Variants in PBX1 observed in about 807,000 individuals in gnomAD.
The protein encoded by PBX1 is PBX homeobox 1.
PBX1 carries 6 observed loss-of-function variants against 53.4 expected under a neutral mutation model. The ratio of observed to expected loss-of-function variants is 0.11; its 90% CI spans 0.06 to 0.22. PBX1 has a LOEUF of 0.22. Among genes scored for constraint, PBX1 ranks in the 10% least tolerant of loss-of-function variants. PBX1 has a pLI of 1.00. For missense variants in PBX1, 251 were observed against 551.4 expected, an observed-to-expected ratio of 0.46 and a Z score of 5.46; for synonymous variants, 204 against 212.3, an observed-to-expected ratio of 0.96 and a Z score of 0.34.
chr1:164,783,714 C>T (rs1668037174), intron 2 of PBX1, among the ~76,000 whole-genome samples: 1 of 152,012 alleles, frequency 6.6e-6, no homozygotes, highest in Non-Finnish European at 1.5e-5. Context: ...CACCCAAGGC[C>T]TGTTTTAGTG....
chr1:164,702,277 ATTCATG>A (rs1248061425), intron 2 of PBX1, among the ~76,000 whole-genome samples: 1 of 152,090 alleles, frequency 6.6e-6, no homozygotes, highest in Non-Finnish European at 1.5e-5. Context: ...GCACCTGAAC[ATTCATG>A]TAGGGTTTAG....
intron 2 of PBX1, chr1:164,564,030 AAAC>A (rs766101416): frequency 6.6e-6 from 1 of 152,196 alleles, no homozygotes; most frequent in Non-Finnish European, 1.5e-5. Flanking sequence ...AGGTGTTCTT[AAAC>A]AACAGATGCT....
intron 2 of PBX1, among the ~76,000 whole-genome samples, chr1:164,783,715 T>C (rs1166640905): frequency 6.6e-6 from 1 of 152,136 alleles, no homozygotes; most frequent in East Asian, 1.9e-4. Context: ...ACCCAAGGCC[T>C]GTTTTAGTGT....
chr1:164,811,169 G>C (rs1669591069), intron 5 of PBX1, among the ~76,000 whole-genome samples: 1 of 152,054 alleles, frequency 6.6e-6, no homozygotes. Flanking sequence ...CCTTCCCCGG[G>C]CAGGAATTAT....
At chr1:164,815,619 G>A (rs1669843165) in intron 6 of PBX1, 1 of 152,238 alleles carries the variant, frequency 6.6e-6, no homozygotes, top group South Asian at 2.1e-4. Flanking sequence ...ATGGCAGAAG[G>A]TGAAGGGGAA....
intron 5 of PBX1, 87 bp downstream of exon 5, chr1:164,807,764 C>A: frequency 7.0e-7 from 1 of 1,436,944 alleles, no homozygotes; most frequent in Non-Finnish European, 9.5e-7. Context: ...CTTTACTGGA[C>A]ATTCATGCCT....
intron 8 of PBX1, among the ~76,000 whole-genome samples, chr1:164,832,323 A>G (rs1047548564): frequency 5.9e-5 from 9 of 152,202 alleles, no homozygotes; most frequent in African/African-American, 1.9e-4. Flanking sequence ...TGGCATATGG[A>G]AGGCTTACGA....
chr1:164,577,626 G>T (rs80318769), intron 2 of PBX1, among the ~76,000 whole-genome samples: 4,714 of 152,296 alleles, frequency 0.031, 330 homozygotes, highest in East Asian at 0.28. Flanking sequence ...TCTAGTGCTT[G>T]CTTATTATTG....
intron 2 of PBX1, among the ~76,000 whole-genome samples, chr1:164,630,046 A>T (rs1658310451): frequency 6.6e-6 from 1 of 152,188 alleles, no homozygotes; most frequent in African/African-American, 2.4e-5. Flanking sequence ...AAGGTGAATA[A>T]AGTAACCCCA....
At chr1:164,586,301 C>T (rs925713464) in intron 2 of PBX1, among the ~76,000 whole-genome samples, 1 of 152,192 alleles carries the variant, frequency 6.6e-6, no homozygotes, top group African/African-American at 2.4e-5. Flanking sequence ...TCATGGTAAA[C>T]GTGCTGAAGT....
At chr1:164,757,827 A>C (rs536096412) in intron 2 of PBX1, among the ~76,000 whole-genome samples, 6 of 152,000 alleles carry the variant, frequency 3.9e-5, no homozygotes, top group Non-Finnish European at 7.4e-5. Context: ...CCACCAGGCC[A>C]ATTCAGACTG....
chr1:164,843,324 A>G (rs1671396381), intron 8 of PBX1, among the ~76,000 whole-genome samples: 1 of 152,106 alleles, frequency 6.6e-6, no homozygotes, highest in Non-Finnish European at 1.5e-5. Context: ...TCTAACTTAA[A>G]CCCTATAGGC....
chr1:164,692,460 A>G (rs1247879684), intron 2 of PBX1, among the ~76,000 whole-genome samples: 1 of 152,144 alleles, frequency 6.6e-6, no homozygotes, highest in Non-Finnish European at 1.5e-5. Context: ...CGTGGAGGAA[A>G]TGGGACCCCT....
At chr1:164,746,010 C>T (rs1571327108) in intron 2 of PBX1, among the ~76,000 whole-genome samples, 1 of 152,292 alleles carries the variant, frequency 6.6e-6, no homozygotes, top group African/African-American at 2.4e-5. Flanking sequence ...TGGCCCATGG[C>T]ATCACCTAGA....
At chr1:164,609,176 A>T (rs992465378) in intron 2 of PBX1, among the ~76,000 whole-genome samples, 3 of 151,920 alleles carry the variant, frequency 2.0e-5, no homozygotes, top group African/African-American at 4.8e-5. Context: ...TTAATAATTT[A>T]AAAAAGTTCC....
At chr1:164,772,344 G>A (rs932512453) in intron 2 of PBX1, among the ~76,000 whole-genome samples, 4 of 152,120 alleles carry the variant, frequency 2.6e-5, no homozygotes, top group East Asian at 3.9e-4. Flanking sequence ...GTGCAACACC[G>A]TTTACCAACT....
chr1:164,580,667 C>T (rs947612144), intron 2 of PBX1, among the ~76,000 whole-genome samples: 2 of 152,042 alleles, frequency 1.3e-5, no homozygotes, highest in African/African-American at 4.8e-5. Flanking sequence ...ACCTCTGTCT[C>T]CTGGGTTCAA....
intron 2 of PBX1, among the ~76,000 whole-genome samples, chr1:164,688,142 T>C (rs956820953): frequency 1.3e-5 from 2 of 152,206 alleles, no homozygotes; most frequent in African/African-American, 2.4e-5. Flanking sequence ...TGCTATCTTT[T>C]CATCGTCATT....
chr1:164,580,937 A>G (rs1654574394), intron 2 of PBX1, among the ~76,000 whole-genome samples: 1 of 152,116 alleles, frequency 6.6e-6, no homozygotes, highest in Non-Finnish European at 1.5e-5. Context: ...CAGGGGGTCT[A>G]AAGCTTGACC....
Sources: gnomAD v4.1 joint callset for allele counts (sites outside exome capture counted in the v4.1 genomes callset) on GRCh38, gnomAD v4.1.1 for gene constraint, MANE v1.5 for transcripts, NCBI Gene and HGNC (gene_info 2026-07-23, HGNC 2026-07-21) for gene names.